The following DGKI variants were observed in gnomAD, a reference collection of about 807,000 sequenced individuals.
DGKI encodes the protein diacylglycerol kinase iota.
In DGKI, 55 loss-of-function variants were observed where a neutral mutation model predicts 147.5. The ratio of observed to expected loss-of-function variants is 0.37; its 90% CI spans 0.30 to 0.47. The LOEUF is 0.47. Among genes scored for constraint, DGKI ranks in the 20% least tolerant of loss-of-function variants. The probability of loss-of-function intolerance (pLI) is 1.00; values close to 1 mark genes in which losing one functional copy is unlikely to be tolerated. For missense variants in DGKI, 1,007 were observed against 1,323.8 expected (o/e 0.76, Z 3.71); for synonymous variants, 469 against 477.1 (o/e 0.98, Z 0.22).
intron 1 of DGKI, among the ~76,000 whole-genome samples, chr7:137,700,739 A>G (rs995953191): frequency 3.3e-5 from 5 of 152,108 alleles, no homozygotes; most frequent in African/African-American, 9.6e-5. Flanking sequence ...CTAGCCAGGC[A>G]TGGTGGCGGG....
chr7:137,462,110 A>G (rs1814467842), intron 27 of DGKI, among the ~76,000 whole-genome samples: 1 of 152,138 alleles, frequency 6.6e-6, no homozygotes, highest in East Asian at 1.9e-4. Context: ...ATATATATAT[A>G]TACAACTAAA....
At chr7:137,638,531 C>CATATATATGTATATATAT (rs1456992268) in intron 6 of DGKI, among the ~76,000 whole-genome samples, 2 of 114,428 alleles carry the variant, frequency 1.7e-5, no homozygotes, top group South Asian at 5.4e-4. Context: ...TATATACACA[C>CATATATATGTATATATAT]ACATATATGT....
chr7:137,587,400 G>A (rs1379856379), intron 12 of DGKI, among the ~76,000 whole-genome samples, 190 bp from the exon 13 acceptor site: 1 of 152,162 alleles, frequency 6.6e-6, no homozygotes, highest in East Asian at 1.9e-4. Flanking sequence ...AATGGTTAAA[G>A]GAAAAAGGAC....
chr7:137,447,639 T>C (rs1813765962), intron 27 of DGKI, among the ~76,000 whole-genome samples: 1 of 152,194 alleles, frequency 6.6e-6, no homozygotes, highest in Non-Finnish European at 1.5e-5. Flanking sequence ...ATTGCTAGAA[T>C]GTAAAGGAGT....
At chr7:137,575,063 A>T (rs998195167) in intron 17 of DGKI, among the ~76,000 whole-genome samples, 1 of 152,148 alleles carries the variant, frequency 6.6e-6, no homozygotes, top group African/African-American at 2.4e-5. Context: ...GTCACAGCAC[A>T]ATGGTCAAAA....
At chr7:137,443,055 C>G (rs1242323985) in intron 28 of DGKI, among the ~76,000 whole-genome samples, 1 of 152,030 alleles carries the variant, frequency 6.6e-6, no homozygotes, top group African/African-American at 2.4e-5. Flanking sequence ...AGATGGTGAG[C>G]TCCAGAAATT....
chr7:137,513,884 G>A (rs534263554), intron 21 of DGKI: 47 of 694,102 alleles, frequency 6.8e-5, no homozygotes, highest in African/African-American at 6.5e-4. Context: ...AGGAAGAAGC[G>A]AATGCGCAGG....
At chr7:137,392,921 G>C (rs1811417769) in intron 32 of DGKI, among the ~76,000 whole-genome samples, 1 of 152,082 alleles carries the variant, frequency 6.6e-6, no homozygotes, top group Non-Finnish European at 1.5e-5. Context: ...TTACAGAATG[G>C]CAAAATTTAA....
At chr7:137,607,287 G>A (rs542062106) in intron 10 of DGKI, among the ~76,000 whole-genome samples, 6 of 152,162 alleles carry the variant, frequency 3.9e-5, no homozygotes, top group Non-Finnish European at 7.3e-5. Flanking sequence ...GAAGTCACAT[G>A]CAGTTAATGT....
At chr7:137,691,809 T>TTTTTTTTTTTTTTTTTTG (rs1290595066) in intron 1 of DGKI, among the ~76,000 whole-genome samples, 29 of 141,062 alleles carry the variant, frequency 2.1e-4, no homozygotes, top group African/African-American at 7.6e-4. Flanking sequence ...TTTTTTTTTT[T>TTTTTTTTTTTTTTTTTTG]TTTTTTTTTT....
Position 137,383,904 on chromosome 7 carries a change from T to C in DGKI, c.*7316A>G, listed in dbSNP as rs947096320. 1 of 152,144 alleles carries C rather than the reference T, an allele frequency of 6.6e-6. No homozygotes were observed. The highest frequency in any genetic ancestry group is 6.6e-5 in the Admixed American group (1 of 15,256). The allele number at this position is 152,144 out of a possible 1,614,324, so 9.4% of individuals were successfully genotyped here. A position where few individuals can be genotyped will look rare whatever the true frequency, so the allele number is the denominator to read the frequency against. ...TTCTACATATTCACCAATCTGCCCATAAATGTCCCTTGTAAAGTATGAGAT... is the reference window on the plus strand; with the variant it reads ...TTCTACATATTCACCAATCTGCCCACAAATGTCCCTTGTAAAGTATGAGAT... On this transcript the variant is annotated 3_prime_UTR_variant, in exon 33 of 33. Coordinates refer to ENST00000614521, the MANE Select transcript of DGKI (RefSeq NM_001321708.2).
intron 22 of DGKI, among the ~76,000 whole-genome samples, 194 bp downstream of exon 22, chr7:137,487,416 C>T (rs1378247574): frequency 2.0e-5 from 3 of 152,182 alleles, no homozygotes; most frequent in Non-Finnish European, 2.9e-5. Context: ...AATGCTTTCC[C>T]ATTTCAACCA....
intron 8 of DGKI, 42 bp from the exon 9 acceptor site, chr7:137,609,651 G>A (rs1409664366): frequency 6.8e-7 from 1 of 1,473,680 alleles, no homozygotes; most frequent in South Asian, 1.1e-5. Context: ...GAGGCAGCCA[G>A]CCCAGGAGCT....
chr7:137,508,872 A>G (rs1052840369), intron 21 of DGKI, among the ~76,000 whole-genome samples: 4 of 152,246 alleles, frequency 2.6e-5, no homozygotes, highest in African/African-American at 9.6e-5. Context: ...TGAGTTTGCT[A>G]TGGACAGATA....
chr7:137,412,735 T>C (rs955867442), intron 28 of DGKI, among the ~76,000 whole-genome samples: 2 of 152,166 alleles, frequency 1.3e-5, no homozygotes, highest in Non-Finnish European at 2.9e-5. Flanking sequence ...TTTGTGATGA[T>C]AGATAAATAC....
intron 1 of DGKI, among the ~76,000 whole-genome samples, chr7:137,807,220 C>T (rs1797405563): frequency 6.6e-6 from 1 of 152,200 alleles, no homozygotes; most frequent in African/African-American, 2.4e-5. Flanking sequence ...TACTGGTTTT[C>T]AAATACAAGG....
chr7:137,679,248 T>C (rs545478856), intron 2 of DGKI, among the ~76,000 whole-genome samples: 1 of 152,326 alleles, frequency 6.6e-6, no homozygotes, highest in South Asian at 2.1e-4. Flanking sequence ...CTTCACCCAA[T>C]TACTTCTCAA....
chr7:137,804,159 T>C (rs755014273), intron 1 of DGKI, among the ~76,000 whole-genome samples: 6 of 152,222 alleles, frequency 3.9e-5, no homozygotes, highest in Non-Finnish European at 7.3e-5. Context: ...CTGAGTTTGA[T>C]ATTGTTAAAT....
chr7:137,556,098 A>C lies in DGKI; in HGVS notation c.1948-3530T>G, dbSNP rs377319115. Among the ~76,000 whole-genome samples the C allele has an allele frequency of 7.2e-5, 11 of 152,290 alleles. No individual in the cohort carries two copies. In the South Asian group the frequency reaches 1.0e-3, roughly 14 times the overall value. On this transcript the variant is annotated intron_variant, in intron 19 of 32. Transcript: ENST00000614521. ...AAATACATCATTGTAATTTCAGTAC[A>C]TTAATTATTTAAATGAGAAAAACCA...
Sources: gnomAD v4.1 joint callset for allele counts (sites outside exome capture counted in the v4.1 genomes callset) on GRCh38, gnomAD v4.1.1 for gene constraint, MANE v1.5 for transcripts, NCBI Gene and HGNC (gene_info 2026-07-23, HGNC 2026-07-21) for gene names.